KCNQ5: variants seen among roughly 807,000 people sequenced by gnomAD.
KCNQ5 encodes the protein potassium voltage-gated channel subfamily KQT member 5.
A neutral mutation model predicts 98.2 loss-of-function variants in KCNQ5; 30 were observed. The observed-to-expected ratio is 0.31, with a 90% CI of 0.23 to 0.41. The LOEUF (loss-of-function observed/expected upper bound fraction) is 0.41. Among genes scored for constraint, KCNQ5 ranks in the 10% least tolerant of loss-of-function variants. KCNQ5 has a pLI of 1.00. For synonymous variants in KCNQ5, 458 were observed against 449.4 expected, an observed-to-expected ratio of 1.02 and a Z score of -0.24; for missense variants, 835 against 1,182.5, an observed-to-expected ratio of 0.71 and a Z score of 4.31.
At chr6:73,076,017 C>T (rs964146491) in intron 3 of KCNQ5, among the ~76,000 whole-genome samples, 1 of 152,078 alleles carries the variant, frequency 6.6e-6, no homozygotes, top group South Asian at 2.1e-4. Context: ...TAGAGTGAGA[C>T]CCTGTCAAAG....
intron 1 of KCNQ5, among the ~76,000 whole-genome samples, chr6:72,820,889 T>C (rs1056452591): frequency 6.6e-6 from 1 of 152,228 alleles, no homozygotes; most frequent in African/African-American, 2.4e-5. Flanking sequence ...TTTTGTATGT[T>C]CATCGTGTAC....
chr6:72,904,702 T>G lies in KCNQ5; in HGVS notation c.399-99206T>G, dbSNP rs111693528. Among the ~76,000 whole-genome samples the G allele has an allele frequency of 2.8e-3, 434 of 152,318 alleles. 2 individuals are homozygous for G. The highest frequency in any genetic ancestry group is 9.9e-3 in the African/African-American group (411 of 41,570). ...AGCTGAAGATTGGGCCCCAATCCCT[T>G]CTAGCTTGTAGGATTTCTGCTTAGA... On this transcript the variant is annotated intron_variant, in intron 1 of 13. Coordinates refer to ENST00000370398, the MANE Select transcript of KCNQ5 (RefSeq NM_019842.4).
At chr6:72,992,670 A>G (rs201724502) in intron 1 of KCNQ5, among the ~76,000 whole-genome samples, 1,958 of 33,164 alleles carry the variant, frequency 0.059, 181 homozygotes, top group East Asian at 0.16. Context: ...TTTAAAGTTA[A>G]TATTGTTATG....
chr6:72,625,672 A>G (rs920320905), intron 1 of KCNQ5, among the ~76,000 whole-genome samples: 5 of 152,186 alleles, frequency 3.3e-5, no homozygotes, highest in Non-Finnish European at 5.9e-5. Flanking sequence ...ACTTAATGCT[A>G]TGGATGTGAA....
chr6:72,626,938 C>T (rs556606580), intron 1 of KCNQ5, among the ~76,000 whole-genome samples: 11 of 152,266 alleles, frequency 7.2e-5, no homozygotes, highest in Admixed American at 1.3e-4. Flanking sequence ...AATGGAAGTG[C>T]CATTCACTAA....
chr6:73,190,782 A>T, intron 12 of KCNQ5, 78 bp downstream of exon 12: 1 of 890,156 alleles, frequency 1.1e-6, no homozygotes, highest in Non-Finnish European at 1.6e-6. Flanking sequence ...TTAGTAGAGT[A>T]AACCTCTGAA....
chr6:73,130,076 G>A (rs1776163929), intron 9 of KCNQ5, among the ~76,000 whole-genome samples: 1 of 152,242 alleles, frequency 6.6e-6, no homozygotes, highest in Non-Finnish European at 1.5e-5. Flanking sequence ...CGTAGAACTG[G>A]CAGTCAGCCC....
intron 1 of KCNQ5, among the ~76,000 whole-genome samples, chr6:72,935,117 C>T (rs1765855791): frequency 7.5e-6 from 1 of 132,514 alleles, no homozygotes; most frequent in Admixed American, 8.8e-5. Flanking sequence ...TGTCACCAGG[C>T]TGGAGTGCAA....
chr6:73,165,605 A>G (rs1431204391), intron 10 of KCNQ5, among the ~76,000 whole-genome samples: 1 of 152,182 alleles, frequency 6.6e-6, no homozygotes, highest in Admixed American at 6.5e-5. Context: ...AGCCCTGTGA[A>G]GAAAAATGTA....
chr6:72,707,130 A>G (rs549552363), intron 1 of KCNQ5, among the ~76,000 whole-genome samples: 4 of 152,364 alleles, frequency 2.6e-5, no homozygotes, highest in Non-Finnish European at 1.5e-5. Context: ...GCTACTTCAT[A>G]AATGCTTTTG....
intron 1 of KCNQ5, among the ~76,000 whole-genome samples, chr6:72,674,070 C>T (rs1767278777): frequency 6.6e-6 from 1 of 152,128 alleles, no homozygotes; most frequent in Admixed American, 6.5e-5. Flanking sequence ...TTATAAGCTA[C>T]ATTTCTAGCC....
chr6:72,685,431 A>G (rs1301436676), intron 1 of KCNQ5, among the ~76,000 whole-genome samples: 1 of 152,224 alleles, frequency 6.6e-6, no homozygotes. Flanking sequence ...TACAAAATCA[A>G]AAGATATATG....
At position 73,019,374 on chromosome 6, in the gene KCNQ5, T is replaced by C. The variant is rs75870134; in HGVS notation, c.489+15376T>C. 1.1e-4 allele frequency among the ~76,000 whole-genome samples: 16 copies of C among 152,284 alleles called. 1 individual carries two copies. In the East Asian group the frequency reaches 2.9e-3, roughly 28 times the overall value. ...AAACTATGTTTTCCAGCAATGTATA[T>C]ATGGCATTGTGGCAGGAAAGCCCAT... is the stretch of plus-strand genomic sequence containing the variant. On this transcript the variant is annotated intron_variant, in intron 2 of 13. Transcript: ENST00000370398.
At chr6:73,018,986 A>G (rs539269976) in intron 2 of KCNQ5, among the ~76,000 whole-genome samples, 1 of 152,316 alleles carries the variant, frequency 6.6e-6, no homozygotes, top group East Asian at 1.9e-4. Flanking sequence ...CTTGTGCAGA[A>G]GACACAAACA....
chr6:72,640,714 T>C (rs953160742), intron 1 of KCNQ5: 2 of 152,166 alleles, frequency 1.3e-5, no homozygotes, highest in Admixed American at 1.3e-4. Flanking sequence ...GGTGACCAAC[T>C]CTAGTGCTAT....
intron 3 of KCNQ5, among the ~76,000 whole-genome samples, chr6:73,050,171 T>A (rs930354259): frequency 2.0e-5 from 3 of 151,534 alleles, no homozygotes; most frequent in African/African-American, 7.3e-5. Flanking sequence ...GAATTATGAT[T>A]GCACCACTGT....
chr6:72,814,351 A>T (rs1178072307), intron 1 of KCNQ5, among the ~76,000 whole-genome samples: 1 of 152,180 alleles, frequency 6.6e-6, no homozygotes, highest in Non-Finnish European at 1.5e-5. Context: ...CTAATTGTGT[A>T]ACCTTAGGGA....
intron 1 of KCNQ5, among the ~76,000 whole-genome samples, chr6:72,845,158 G>A: frequency 6.6e-6 from 1 of 152,140 alleles, no homozygotes; most frequent in Non-Finnish European, 1.5e-5. Context: ...CACTTTCTGA[G>A]AAATTCAGGT....
At chr6:72,918,747 A>G (rs1428152922) in intron 1 of KCNQ5, among the ~76,000 whole-genome samples, 2 of 152,048 alleles carry the variant, frequency 1.3e-5, no homozygotes, top group Non-Finnish European at 2.9e-5. Flanking sequence ...CCTATCTACT[A>G]ATTGGGGGCC....
Sources: allele counts gnomAD v4.1 joint callset (sites outside exome capture counted in the v4.1 genomes callset), GRCh38; gene constraint gnomAD v4.1.1; transcripts MANE v1.5; gene names NCBI Gene and HGNC (gene_info 2026-07-23, HGNC 2026-07-21).